The following REELD1 variants were observed in gnomAD, a reference collection of about 807,000 sequenced individuals.
The protein encoded by REELD1 is reelin domain-containing protein 1.
REELD1 carries 12 observed loss-of-function variants against 6.3 expected under a neutral mutation model. That is an observed-to-expected ratio of 1.89 (90% CI 1.21 to 3.07). The LOEUF is 3.07. REELD1 is among the 30% of genes most tolerant of loss of function. The pLI, the probability that REELD1 is intolerant of heterozygous loss-of-function variation, is 0.00. For synonymous variants in REELD1, 57 were observed against 33.6 expected (o/e 1.70, Z -2.42); for missense variants, 163 against 86.8 (o/e 1.88, Z -3.49).
Position 146,229,974 on chromosome 4 carries a change from C to T in REELD1, c.1042C>T (p.Gln348Ter), listed in dbSNP as rs1731098599. 7 of 398,616 alleles carry T rather than the reference C, an allele frequency of 1.8e-5. No homozygotes were observed. Among genetic ancestry groups the T allele is most frequent in the Admixed American group, 8.8e-5 (2 of 22,726 alleles). The allele number at this position is 398,616 out of a possible 1,614,324, so 24.7% of individuals were successfully genotyped here. A position where few individuals can be genotyped will look rare whatever the true frequency, so the allele number is the denominator to read the frequency against. ...PLSTVQLTYP[Q>*]CLWSSETFTG... ...GTCCACCGTCCAGCTTACCTATCCC[C>T]AGTGCCTCTGGTCCTCTGAAACTTT... Residue 348 changes from glutamine to a stop codon, truncating the protein, a stop_gained, in exon 8 of 8, where the codon CAG (glutamine) becomes TAG (stop). Coordinates refer to ENST00000623665, the MANE Select transcript of REELD1 (RefSeq NM_001354631.1). LOFTEE classifies it low-confidence loss of function (END_TRUNC).
chr4:146,223,282 C>T (rs1450114823), intron 4 of REELD1, among the ~76,000 whole-genome samples: 2 of 152,202 alleles, frequency 1.3e-5, no homozygotes, highest in Admixed American at 1.3e-4. Context: ...AGCTCACATG[C>T]TCCCCTCCAG....
intron 5 of REELD1, among the ~76,000 whole-genome samples, chr4:146,227,161 T>G (rs1014229932): frequency 6.6e-5 from 10 of 151,680 alleles, no homozygotes; most frequent in Non-Finnish European, 7.3e-5. Context: ...TGTTTGCATC[T>G]CCAACAACTA....
chr4:146,226,595 A>G (rs1327076637), intron 5 of REELD1, among the ~76,000 whole-genome samples: 1 of 152,080 alleles, frequency 6.6e-6, no homozygotes, highest in African/African-American at 2.4e-5. Flanking sequence ...GTCCCCTTTT[A>G]TAAGGCTACT....
chr4:146,224,963 C>T (rs1730995260), intron 5 of REELD1, among the ~76,000 whole-genome samples: 1 of 152,182 alleles, frequency 6.6e-6, no homozygotes, highest in Non-Finnish European at 1.5e-5. Context: ...TTTCCTTAGT[C>T]CCCTGAAGCT....
At chr4:146,226,004 C>T (rs1469281767) in intron 5 of REELD1, among the ~76,000 whole-genome samples, 1 of 152,044 alleles carries the variant, frequency 6.6e-6, no homozygotes, top group Non-Finnish European at 1.5e-5. Flanking sequence ...TGCGTGTGTG[C>T]ATGTGTGTGT....
At chr4:146,219,489 A>C (rs1730883089) in intron 3 of REELD1, among the ~76,000 whole-genome samples, 1 of 152,152 alleles carries the variant, frequency 6.6e-6, no homozygotes, top group Admixed American at 6.5e-5. Context: ...AGTTCTAAAT[A>C]TTTGTTCAAA....
At chr4:146,227,664 A>C (rs1437713111) in intron 5 of REELD1, among the ~76,000 whole-genome samples, 3 of 152,190 alleles carry the variant, frequency 2.0e-5, no homozygotes, top group Non-Finnish European at 4.4e-5. Flanking sequence ...TTGCTGCTCC[A>C]TGTGAAGCTC....
chr4:146,228,577 G>A (rs1578702916), intron 6 of REELD1, 55 bp downstream of exon 6: 2 of 641,552 alleles, frequency 3.1e-6, no homozygotes, highest in East Asian at 5.5e-5. Flanking sequence ...GATGAACACT[G>A]GAGTGCATCA....
At chr4:146,219,904 ATATAT>A (rs1730890330) in intron 3 of REELD1, among the ~76,000 whole-genome samples, 1 of 152,062 alleles carries the variant, frequency 6.6e-6, no homozygotes, top group Admixed American at 6.5e-5. Flanking sequence ...AATCAGACTG[ATATAT>A]TTTATTGGAT....
At chr4:146,216,147 T>A in intron 2 of REELD1, among the ~76,000 whole-genome samples, 1 of 152,244 alleles carries the variant, frequency 6.6e-6, no homozygotes, top group Non-Finnish European at 1.5e-5. Flanking sequence ...TTTATTTTTG[T>A]CATCTTCTTT....
chr4:146,227,406 A>G (rs532576146), intron 5 of REELD1, among the ~76,000 whole-genome samples: 29 of 152,334 alleles, frequency 1.9e-4, no homozygotes, highest in African/African-American at 6.7e-4. Flanking sequence ...TGTTTTGGTC[A>G]ATGCCATCAT....
intron 5 of REELD1, 109 bp from the exon 6 acceptor site, chr4:146,228,101 G>C: frequency 1.6e-6 from 1 of 627,992 alleles, no homozygotes. Context: ...GTCTCTCCTT[G>C]AGGCATATTA....
intron 3 of REELD1, among the ~76,000 whole-genome samples, chr4:146,218,323 C>A (rs957017726): frequency 6.6e-6 from 1 of 152,176 alleles, no homozygotes; most frequent in Non-Finnish European, 1.5e-5. Context: ...CACAGCTTAC[C>A]TTGGACCAAG....
Position 146,217,021 on chromosome 4 carries a change from C to T in REELD1, c.69C>T (p.Ala23=). Reference sequence around the variant, plus strand: ...TCTGCCTGGCTTCCTGCTCATCTGCCTTTTCCCATGGTGCCAGCACGGTGG... The same window carrying T: ...TCTGCCTGGCTTCCTGCTCATCTGCTTTTTCCCATGGTGCCAGCACGGTGG... ...TTLCLASCSS[A]FSHGASTVAC... is the part of the protein sequence containing the mutation. The change falls in exon 3 of 8, where the codon GCC becomes GCT. Residue 23 remains alanine, a synonymous_variant. Transcript: ENST00000623665. 2.5e-6 allele frequency: 1 copy of T among 398,958 alleles called. No homozygotes were observed. Among genetic ancestry groups the T allele is most frequent in the East Asian group, 3.6e-5 (1 of 28,074 alleles). 24.7% of individuals were successfully genotyped at this position (398,958 alleles called of 1,614,324 possible).
At position 146,231,514 on chromosome 4, in the gene REELD1, C is replaced by T. The variant is rs540215750; in HGVS notation, c.*1001C>T. 1.3e-5 allele frequency among the ~76,000 whole-genome samples: 2 copies of T among 152,312 alleles called. No homozygotes were observed. The highest frequency in any genetic ancestry group is 2.1e-4 in the South Asian group (1 of 4,818). ...CAAAACAACAGATCTGAATATAACTCTTAAATATGCTCACCTAATATAGCA... is the reference window on the plus strand; with the variant it reads ...CAAAACAACAGATCTGAATATAACTTTTAAATATGCTCACCTAATATAGCA... On this transcript the variant is annotated 3_prime_UTR_variant, in exon 8 of 8. Coordinates refer to ENST00000623665, the MANE Select transcript of REELD1 (RefSeq NM_001354631.1).
chr4:146,230,539 G>A lies in REELD1; in HGVS notation c.*26G>A, dbSNP rs1731111428. 2 of 398,580 alleles carry A rather than the reference G, an allele frequency of 5.0e-6. No individual in the cohort carries two copies. Among genetic ancestry groups the A allele is most frequent in the Non-Finnish European group, 8.8e-6 (2 of 226,098 alleles). 24.7% of individuals were successfully genotyped at this position (398,580 alleles called of 1,614,324 possible). The stretch of plus-strand genomic sequence containing the variant: ...GAAGACTGTCACCCCAGACCTCTCA[G>A]TGGCCCTCCTTGGGCCCTGGAGAGT... On this transcript the variant is annotated 3_prime_UTR_variant, in exon 8 of 8. Coordinates refer to ENST00000623665, the MANE Select transcript of REELD1 (RefSeq NM_001354631.1).
At chr4:146,221,976 T>C (rs2110919392) in intron 3 of REELD1, among the ~76,000 whole-genome samples, 1 of 152,348 alleles carries the variant, frequency 6.6e-6, no homozygotes, top group Admixed American at 6.5e-5. Context: ...TTTTATGTCT[T>C]ACAAATACTT....
chr4:146,226,441 T>C (rs1731024425), intron 5 of REELD1, among the ~76,000 whole-genome samples: 1 of 152,224 alleles, frequency 6.6e-6, no homozygotes, highest in South Asian at 2.1e-4. Flanking sequence ...AATAGAAATG[T>C]ATTGCCTACA....
rs1730842602 is a variant in REELD1 at position 146,217,179 on chromosome 4, T to C, written c.208+19T>C. On this transcript the variant is annotated intron_variant, in intron 3 of 7. Coordinates refer to ENST00000623665, the MANE Select transcript of REELD1 (RefSeq NM_001354631.1). ...ATTCCAGGTATGTACCAGAGAGGCT[T>C]AGAGAGACTCCGAGGAGCCCCAGAG... is the stretch of plus-strand genomic sequence containing the variant. 2.5e-6 allele frequency: 1 copy of C among 399,014 alleles called. No individual in the cohort carries two copies. Among genetic ancestry groups the C allele is most frequent in the South Asian group, 1.3e-4 (1 of 7,860 alleles). 24.7% of individuals were successfully genotyped at this position (399,014 alleles called of 1,614,324 possible).
Sources: allele counts gnomAD v4.1 joint callset (sites outside exome capture counted in the v4.1 genomes callset), GRCh38; gene constraint gnomAD v4.1.1; transcripts MANE v1.5; gene names NCBI Gene and HGNC (gene_info 2026-07-23, HGNC 2026-07-21).